OIP5: variants seen among roughly 807,000 people sequenced by gnomAD.
OIP5 encodes the protein protein Mis18-beta.
OIP5 carries 24 observed loss-of-function variants against 20.3 expected under a neutral mutation model. The ratio of observed to expected loss-of-function variants is 1.18; its 90% confidence interval spans 0.86 to 1.66. The LOEUF (loss-of-function observed/expected upper bound fraction) is 1.66. OIP5 is among the 40% of genes most tolerant of loss of function. The pLI, the probability that OIP5 is intolerant of heterozygous loss-of-function variation, is 0.00. For missense variants in OIP5, 339 were observed against 289.5 expected (o/e 1.17, Z -1.24); for synonymous variants, 143 against 121.3 (o/e 1.18, Z -1.17).
intron 3 of OIP5, among the ~76,000 whole-genome samples, chr15:41,317,417 G>A (rs1441761400): frequency 6.9e-6 from 1 of 145,336 alleles, no homozygotes; most frequent in Non-Finnish European, 1.5e-5. Flanking sequence ...GTCTCGCTCT[G>A]TTGCCAGGCT....
intron 2 of OIP5, among the ~76,000 whole-genome samples, chr15:41,323,652 G>A (rs1438016862): frequency 1.3e-5 from 2 of 151,948 alleles, no homozygotes; most frequent in East Asian, 1.9e-4. Flanking sequence ...TAAATTTTTC[G>A]TAGAGACAGG....
At chr15:41,315,563 G>A (rs1003342432) in intron 3 of OIP5, among the ~76,000 whole-genome samples, 6 of 152,038 alleles carry the variant, frequency 3.9e-5, no homozygotes, top group East Asian at 1.9e-4. Flanking sequence ...CAGCCATCCC[G>A]AATCCAAGAG....
intron 2 of OIP5, among the ~76,000 whole-genome samples, chr15:41,323,660 A>T (rs938933561): frequency 3.9e-5 from 6 of 152,078 alleles, no homozygotes; most frequent in African/African-American, 1.4e-4. Flanking sequence ...TCGTAGAGAC[A>T]GGTTCTTGCT....
intron 2 of OIP5, among the ~76,000 whole-genome samples, chr15:41,322,964 A>T (rs1346684834): frequency 6.6e-6 from 1 of 152,068 alleles, no homozygotes; most frequent in Non-Finnish European, 1.5e-5. Context: ...TCACATAGCT[A>T]AAAAGAAATA....
chr15:41,319,972 G>A (rs1250796884), intron 2 of OIP5, among the ~76,000 whole-genome samples, 192 bp from the exon 3 acceptor site: 1 of 152,060 alleles, frequency 6.6e-6, no homozygotes, highest in Non-Finnish European at 1.5e-5. Context: ...GCTGGATTGC[G>A]GATACCCTCG....
chr15:41,332,542 C>A lies in OIP5; in HGVS notation c.20G>T (p.Arg7Leu). The change falls in exon 1 of 5, where the codon CGG (arginine) becomes CTG (leucine). Residue 7 changes from arginine to leucine, a missense_variant. Coordinates refer to ENST00000220514, the MANE Select transcript of OIP5 (RefSeq NM_007280.2). MAAQPLRHRSRCATPPR... is the reference protein window; with the variant it reads MAAQPLLHRSRCATPPR... ...CGGCGTTGCACAACGTGAGCGATGC[C>A]GCAGCGGCTGAGCCGCCATCTTCCC... 1 of 1,606,140 alleles carries A rather than the reference C, an allele frequency of 6.2e-7. No homozygotes were observed. Among genetic ancestry groups the A allele is most frequent in the Non-Finnish European group, 8.5e-7 (1 of 1,176,782 alleles).
rs772429325 is a variant in OIP5, at chr15:41,319,731, G to A, written c.439C>T (p.His147Tyr). ...CGSCGIPVGF[H>Y]LYSTHAALAA... The stretch of plus-strand genomic sequence containing the variant: ...AGGGCAGCATGGGTAGAATACAGAT[G>A]GAAACCAACGGGAATCCCACAAGAA... Residue 147 changes from histidine to tyrosine, a missense_variant, in exon 3 of 5, where the codon CAT becomes TAT. Coordinates refer to ENST00000220514, the MANE Select transcript of OIP5 (RefSeq NM_007280.2). 13 of 1,613,594 alleles carry A rather than the reference G, an allele frequency of 8.1e-6. No individual in the cohort carries two copies. Among genetic ancestry groups the A allele is most frequent in the Non-Finnish European group, 1.1e-5 (13 of 1,179,762 alleles).
chr15:41,320,837 G>A (rs1376152559), intron 2 of OIP5, among the ~76,000 whole-genome samples: 1 of 150,958 alleles, frequency 6.6e-6, no homozygotes, highest in Non-Finnish European at 1.5e-5. Context: ...TAGGAAGTGA[G>A]GAGCGCCTCT....
At position 41,331,957 on chromosome 15, in the gene OIP5, T is replaced by A. The variant is rs758943160; in HGVS notation, c.347A>T (p.Glu116Val). ...FSRVTNNVVLEAPFLVGIEGS... is the reference protein window; with the variant it reads ...FSRVTNNVVLVAPFLVGIEGS... ...TTCAATGCCAACTAGGAAGGGCGCTTCCAAAACGACGTTATTTGTAACTCC... is the reference window on the plus strand; with the variant it reads ...TTCAATGCCAACTAGGAAGGGCGCTACCAAAACGACGTTATTTGTAACTCC... Residue 116 changes from glutamate (E) to valine (V), a missense_variant, in exon 2 of 5, where the codon GAA becomes GTA. Transcript: ENST00000220514. 1 of 1,614,030 alleles carries A rather than the reference T, an allele frequency of 6.2e-7. No homozygotes were observed. Among genetic ancestry groups the A allele is most frequent in the Admixed American group, 1.7e-5 (1 of 59,998 alleles).
intron 2 of OIP5, among the ~76,000 whole-genome samples, chr15:41,327,457 G>C (rs1047592474): frequency 1.3e-5 from 2 of 151,610 alleles, no homozygotes; most frequent in African/African-American, 4.8e-5. Context: ...GATTACAGGC[G>C]TGAGTCACTG....
chr15:41,329,952 C>A (rs932569444), intron 2 of OIP5, among the ~76,000 whole-genome samples: 7 of 152,166 alleles, frequency 4.6e-5, no homozygotes. Flanking sequence ...CCGCCTTGGC[C>A]TCCCAAAGTG....
intron 2 of OIP5, among the ~76,000 whole-genome samples, chr15:41,320,287 C>T (rs2047814814): frequency 6.6e-6 from 1 of 150,690 alleles, no homozygotes; most frequent in South Asian, 2.1e-4. Context: ...TCCCCACGGT[C>T]TCCCTCTCCC....
intron 2 of OIP5, among the ~76,000 whole-genome samples, chr15:41,328,301 G>A (rs2047874189): frequency 6.6e-6 from 1 of 152,202 alleles, no homozygotes; most frequent in African/African-American, 2.4e-5. Context: ...TTACAGGCGT[G>A]AGCCAGCATG....
intron 3 of OIP5, among the ~76,000 whole-genome samples, chr15:41,314,542 C>T (rs937851524): frequency 1.3e-5 from 2 of 151,856 alleles, no homozygotes; most frequent in African/African-American, 4.8e-5. Context: ...TGGCTCACAC[C>T]TATAATCCCA....
At chr15:41,310,218 A>C (rs1347579977) in intron 4 of OIP5, among the ~76,000 whole-genome samples, 1 of 152,182 alleles carries the variant, frequency 6.6e-6, no homozygotes, top group Non-Finnish European at 1.5e-5. Context: ...CACCATTTCA[A>C]ATTTAAGCTA....
chr15:41,327,539 C>T (rs953744303), intron 2 of OIP5, among the ~76,000 whole-genome samples: 2 of 151,756 alleles, frequency 1.3e-5, no homozygotes, highest in African/African-American at 4.8e-5. Flanking sequence ...CCTGTAATCC[C>T]AACACTTTGG....
rs1358351352 is a variant in OIP5 at position 41,331,984 on chromosome 15, AG to A, written c.323-4del. ...CAAAACGACGTTATTTGTAACTCCT[AG>A]GAAGACAAACACGGGTCAGAACCCA... On this transcript the variant is annotated splice_polypyrimidine_tract_variant and splice_region_variant and intron_variant, in intron 1 of 4. Transcript: ENST00000220514. 1.2e-6 allele frequency: 2 copies of A among 1,613,890 alleles called. No individual in the cohort carries two copies. Among genetic ancestry groups the A allele is most frequent in the African/African-American group, 2.7e-5 (2 of 75,032 alleles).
At chr15:41,316,562 G>A (rs946300195) in intron 3 of OIP5, among the ~76,000 whole-genome samples, 1 of 152,048 alleles carries the variant, frequency 6.6e-6, no homozygotes, top group Non-Finnish European at 1.5e-5. Context: ...GGCCAAGGCG[G>A]GCGGATCACG....
chr15:41,332,437 T>A lies in OIP5; in HGVS notation c.125A>T (p.Gln42Leu), dbSNP rs762182410. 3 of 1,614,008 alleles carry A rather than the reference T, an allele frequency of 1.9e-6. No homozygotes were observed. The highest frequency in any genetic ancestry group is 1.7e-6 in the Non-Finnish European group (2 of 1,179,912). Residue 42 changes from glutamine (Q) to leucine (L), a missense_variant, in exon 1 of 5, where the codon CAG (glutamine) becomes CTG (leucine). Transcript: ENST00000220514. The part of the protein sequence containing the change: ...SFTTSMEWDT[Q>L]VVKGSSPLGP... ...GAGCGGCGAGGACCCCTTCACCACC[T>A]GCGTATCCCACTCCATGGAGGTCGT...
Sources: gnomAD v4.1 joint callset for allele counts (sites outside exome capture counted in the v4.1 genomes callset) on GRCh38, gnomAD v4.1.1 for gene constraint, MANE v1.5 for transcripts, NCBI Gene and HGNC (gene_info 2026-07-23, HGNC 2026-07-21) for gene names.